The following EXT1 variants were observed in gnomAD, a reference collection of about 807,000 sequenced individuals.
EXT1 encodes the protein exostosin-1.
Under a neutral mutation model 82.5 loss-of-function variants are expected in EXT1, and 20 were observed. The ratio of observed to expected loss-of-function variants is 0.24; its 90% CI spans 0.17 to 0.35. The LOEUF (loss-of-function observed/expected upper bound fraction) is 0.35, where lower values mean the gene tolerates loss of function less well. Among genes scored for constraint, EXT1 ranks in the 10% least tolerant of loss-of-function variants. The pLI is 1.00. For missense variants in EXT1, 757 were observed against 936.5 expected (o/e 0.81, Z 2.50); for synonymous variants, 348 against 350.8 (o/e 0.99, Z 0.09).
intron 1 of EXT1, among the ~76,000 whole-genome samples, chr8:117,902,516 G>C (rs939168107): frequency 6.6e-6 from 1 of 152,174 alleles, no homozygotes; most frequent in Non-Finnish European, 1.5e-5. Context: ...GAATTTCTCA[G>C]TTCCATTAAG....
chr8:117,837,245 G>T (rs774176981), intron 1 of EXT1, 44 bp from the exon 2 acceptor site: 1 of 1,481,224 alleles, frequency 6.8e-7, no homozygotes. Context: ...GACTCATTGC[G>T]AATGTGGGGA....
At chr8:117,945,900 T>G (rs1814377547) in intron 1 of EXT1, among the ~76,000 whole-genome samples, 1 of 152,062 alleles carries the variant, frequency 6.6e-6, no homozygotes, top group Admixed American at 6.5e-5. Flanking sequence ...TTATGTTTTG[T>G]TTTTGTTTTG....
intron 7 of EXT1, among the ~76,000 whole-genome samples, chr8:117,813,892 G>C (rs1356553018): frequency 3.3e-5 from 5 of 152,022 alleles, no homozygotes; most frequent in African/African-American, 1.2e-4. Flanking sequence ...TGTGGTCCTA[G>C]CTACTTGGGA....
chr8:118,107,661 G>C (rs566757096), intron 1 of EXT1, among the ~76,000 whole-genome samples: 1 of 152,136 alleles, frequency 6.6e-6, no homozygotes, highest in African/African-American at 2.4e-5. Flanking sequence ...CTCTGCTAGC[G>C]TATCTCCAAA....
In EXT1 at chr8:117,864,960, A is replaced by T. The variant is rs548472944; in HGVS notation, c.963-27759T>A. Among the ~76,000 whole-genome samples, 113 of 151,340 alleles carry T rather than the reference A, an allele frequency of 7.5e-4. 1 individual carries two copies. The highest frequency in any genetic ancestry group is 1.9e-3 in the South Asian group (9 of 4,800). On this transcript the variant is annotated intron_variant, in intron 1 of 10. Transcript: ENST00000378204. ...AAAAAAGTAGAAGCTGTTTTTTTTT[A>T]AAAAAATAGAGTTCATAACACTAGT...
chr8:118,084,772 T>C lies in EXT1; in HGVS notation c.962+25313A>G, dbSNP rs1462705743. ...CTCCGCCCCTTATGCTTTGCACGAC[T>C]CTGGGCAAGTCATTGAACTCAAGTC... On this transcript the variant is annotated intron_variant, in intron 1 of 10. Coordinates refer to ENST00000378204, the MANE Select transcript of EXT1 (RefSeq NM_000127.3). Among the ~76,000 whole-genome samples the C allele has an allele frequency of 2.6e-5, 4 of 152,224 alleles. 1 individual carries two copies. The highest frequency in any genetic ancestry group is 9.6e-5 in the African/African-American group (4 of 41,462).
chr8:117,970,108 A>T (rs1047690578), intron 1 of EXT1, among the ~76,000 whole-genome samples: 1 of 152,178 alleles, frequency 6.6e-6, no homozygotes, highest in African/African-American at 2.4e-5. Flanking sequence ...GGAATTCATG[A>T]ACTGCCAGCC....
chr8:117,977,319 G>A lies in EXT1; in HGVS notation c.962+132766C>T, dbSNP rs1384304561. 9.3e-5 allele frequency among the ~76,000 whole-genome samples: 14 copies of A among 150,512 alleles called. No homozygotes were observed. The East Asian group carries it at 1.2e-3, about 13-fold the overall frequency. ...GGAGAATCGCTTGAACCCAGGACGC[G>A]GAGGCTACAGCGAGCCGTGATTGTG... On this transcript the variant is annotated intron_variant, in intron 1 of 10. Coordinates refer to ENST00000378204, the MANE Select transcript of EXT1 (RefSeq NM_000127.3).
intron 1 of EXT1, among the ~76,000 whole-genome samples, chr8:117,987,152 T>C (rs1168014308): frequency 3.3e-5 from 5 of 152,192 alleles, no homozygotes; most frequent in Non-Finnish European, 7.3e-5. Context: ...AAATTCCTTA[T>C]GGGAGTTGGA....
At chr8:117,937,407 C>T (rs879512021) in intron 1 of EXT1, among the ~76,000 whole-genome samples, 2 of 152,236 alleles carry the variant, frequency 1.3e-5, no homozygotes, top group African/African-American at 2.4e-5. Context: ...AGCTTCTACA[C>T]AGACGCTCCA....
chr8:117,822,317 T>C (rs1811937592), intron 5 of EXT1, 148 bp downstream of exon 5: 1 of 869,778 alleles, frequency 1.1e-6, no homozygotes, highest in Non-Finnish European at 1.8e-6. Context: ...TTGAACTTGA[T>C]ATGTCACTTA....
chr8:117,982,612 T>G (rs769077948), intron 1 of EXT1, among the ~76,000 whole-genome samples: 1 of 152,130 alleles, frequency 6.6e-6, no homozygotes, highest in Non-Finnish European at 1.5e-5. Flanking sequence ...TGCCTCAGCC[T>G]CCCGAGTACC....
chr8:117,903,550 C>T (rs1383554789), intron 1 of EXT1, among the ~76,000 whole-genome samples: 1 of 152,160 alleles, frequency 6.6e-6, no homozygotes, highest in Non-Finnish European at 1.5e-5. Context: ...AAAGATTTAT[C>T]ATGGATTCAA....
rs565186006 is a variant in EXT1 at position 117,923,091 on chromosome 8, G to A, written c.963-85890C>T. Among the ~76,000 whole-genome samples, 231 of 151,886 alleles carry A rather than the reference G, an allele frequency of 1.5e-3. 2 individuals are homozygous for A. Among genetic ancestry groups the A allele is most frequent in the African/African-American group, 5.4e-3 (223 of 41,426 alleles). On this transcript the variant is annotated intron_variant, in intron 1 of 10. Coordinates refer to ENST00000378204, the MANE Select transcript of EXT1 (RefSeq NM_000127.3). ...TGTAATCCCAGCACTTTGGGAGGCC[G>A]AGGTGGGTGGATCACTTGAGGTCAG... is the stretch of plus-strand genomic sequence containing the variant.
intron 1 of EXT1, among the ~76,000 whole-genome samples, chr8:117,963,482 G>T (rs1814743875): frequency 6.6e-6 from 1 of 151,936 alleles, no homozygotes; most frequent in Admixed American, 6.6e-5. Flanking sequence ...TGGTGGTGGT[G>T]GTTTTTCATT....
chr8:118,098,017 A>T (rs1817651156), intron 1 of EXT1, among the ~76,000 whole-genome samples: 1 of 151,852 alleles, frequency 6.6e-6, no homozygotes, highest in Non-Finnish European at 1.5e-5. Context: ...GAAAGCGGGG[A>T]GAAGGAGGAG....
chr8:117,878,779 T>A (rs1345148672), intron 1 of EXT1, among the ~76,000 whole-genome samples: 2 of 152,228 alleles, frequency 1.3e-5, no homozygotes, highest in African/African-American at 4.8e-5. Context: ...TTCTAGAACC[T>A]GAGAACTATA....
chr8:117,930,341 T>C (rs570793509), intron 1 of EXT1, among the ~76,000 whole-genome samples: 99 of 152,072 alleles, frequency 6.5e-4, no homozygotes, highest in Middle Eastern at 3.4e-3. Flanking sequence ...CCCCAGGCTA[T>C]GAAGACAGGC....
At chr8:117,841,785 G>T (rs1019940846) in intron 1 of EXT1, among the ~76,000 whole-genome samples, 9 of 152,268 alleles carry the variant, frequency 5.9e-5, no homozygotes, top group African/African-American at 2.2e-4. Flanking sequence ...ACTTAAAGTT[G>T]TATTGAACAA....
Sources: allele counts gnomAD v4.1 joint callset (sites outside exome capture counted in the v4.1 genomes callset), GRCh38; gene constraint gnomAD v4.1.1; transcripts MANE v1.5; gene names NCBI Gene and HGNC (gene_info 2026-07-23, HGNC 2026-07-21).